Variants in SCMH1 observed in about 807,000 individuals in gnomAD.
SCMH1 encodes the protein polycomb protein SCMH1.
In SCMH1, 37 loss-of-function variants were observed where a neutral mutation model predicts 70.8. That is an observed-to-expected ratio of 0.52 (90% confidence interval 0.40 to 0.69). The LOEUF is 0.69. Ranked by LOEUF, SCMH1 falls within the 30% of genes least tolerant of loss-of-function variation. The pLI, the probability that SCMH1 is intolerant of heterozygous loss-of-function variation, is 0.00. For missense variants in SCMH1, 607 were observed against 827.3 expected, an observed-to-expected ratio of 0.73 and a Z score of 3.27; for synonymous variants, 292 against 307.4, an observed-to-expected ratio of 0.95 and a Z score of 0.52.
chr1:41,162,938 CA>C (rs1315787764), intron 2 of SCMH1: 1 of 152,344 alleles, frequency 6.6e-6, no homozygotes, highest in Non-Finnish European at 1.5e-5. Flanking sequence ...GGTTGCAGGA[CA>C]AGAACTCGGG....
chr1:41,064,793 T>C (rs1297797438), intron 10 of SCMH1, among the ~76,000 whole-genome samples: 1 of 151,954 alleles, frequency 6.6e-6, no homozygotes, highest in African/African-American at 2.4e-5. Context: ...TGGTGGCATG[T>C]CTGTAGTTCT....
intron 8 of SCMH1, among the ~76,000 whole-genome samples, chr1:41,083,208 T>C (rs939026743): frequency 1.3e-5 from 2 of 152,206 alleles, no homozygotes; most frequent in Non-Finnish European, 2.9e-5. Context: ...GAGGACATGA[T>C]TGTATATCTA....
Position 41,221,164 on chromosome 1 carries a change from T to C in SCMH1, c.-118+20895A>G, listed in dbSNP as rs1363919795. 2.6e-5 allele frequency among the ~76,000 whole-genome samples: 4 copies of C among 152,164 alleles called. 1 individual carries two copies. The highest frequency in any genetic ancestry group is 4.4e-5 in the Non-Finnish European group (3 of 68,028). On this transcript the variant is annotated intron_variant, in intron 1 of 14. Coordinates refer to ENST00000337495, the Ensembl canonical transcript of SCMH1. ...GTGCATGCAGTCACAAAATGACGAATGTTATATAATTCCTCTTATATGAGG... is the reference window on the plus strand; with the variant it reads ...GTGCATGCAGTCACAAAATGACGAACGTTATATAATTCCTCTTATATGAGG...
intron 6 of SCMH1, among the ~76,000 whole-genome samples, chr1:41,138,369 T>C (rs894761473): frequency 1.3e-5 from 2 of 152,210 alleles, no homozygotes; most frequent in Non-Finnish European, 2.9e-5. Context: ...TTCTGTTCCA[T>C]TGTTTTGTTT....
chr1:41,087,579 A>G (rs1037741781), intron 8 of SCMH1, among the ~76,000 whole-genome samples: 2 of 152,140 alleles, frequency 1.3e-5, no homozygotes, highest in African/African-American at 2.4e-5. Context: ...TTCACTCATA[A>G]AAAGAGAAAT....
intron 6 of SCMH1, among the ~76,000 whole-genome samples, chr1:41,130,781 A>T (rs1674485180): frequency 6.6e-6 from 1 of 152,196 alleles, no homozygotes; most frequent in Non-Finnish European, 1.5e-5. Context: ...AATACCTATT[A>T]GCAGCCACTC....
chr1:41,027,434 A>G (rs901904399), exon 15 of SCMH1: 1 of 152,314 alleles, frequency 6.6e-6, no homozygotes, highest in Non-Finnish European at 1.5e-5. Flanking sequence ...TGGTGGGGGC[A>G]GTATAAGCCA....
At chr1:41,179,118 C>T (rs1392521764) in intron 2 of SCMH1, among the ~76,000 whole-genome samples, 1 of 152,148 alleles carries the variant, frequency 6.6e-6, no homozygotes, top group African/African-American at 2.4e-5. Context: ...AACTGAACAA[C>T]CTGCTCCTGA....
At chr1:41,169,081 G>A (rs557325422) in intron 2 of SCMH1, among the ~76,000 whole-genome samples, 21 of 152,190 alleles carry the variant, frequency 1.4e-4, no homozygotes, top group Non-Finnish European at 2.8e-4. Flanking sequence ...CTGAGGAGAA[G>A]CTCGTAGAAG....
chr1:41,153,945 G>A (rs1645292294), intron 4 of SCMH1, among the ~76,000 whole-genome samples: 2 of 152,062 alleles, frequency 1.3e-5, no homozygotes, highest in Admixed American at 1.3e-4. Flanking sequence ...TTCTGTTAAG[G>A]ACAATATAAT....
chr1:41,151,709 TCA>T (rs1252563279), intron 4 of SCMH1, 25 bp from the exon 5 acceptor site: 1 of 1,550,058 alleles, frequency 6.5e-7, no homozygotes. Context: ...GAAATCTATA[TCA>T]CAGTCAACTT....
At chr1:41,096,447 T>C (rs1572068442) in intron 8 of SCMH1, among the ~76,000 whole-genome samples, 3 of 152,336 alleles carry the variant, frequency 2.0e-5, no homozygotes, top group Admixed American at 2.0e-4. Context: ...TACAGATTAT[T>C]GTCAAGATTA....
chr1:41,034,191 C>G, intron 13 of SCMH1, 143 bp from the exon 14 acceptor site: 1 of 1,174,394 alleles, frequency 8.5e-7, no homozygotes, highest in South Asian at 1.8e-5. Flanking sequence ...TCAGCTCTGC[C>G]TCTCTACTTG....
intron 1 of SCMH1, among the ~76,000 whole-genome samples, chr1:41,215,944 A>T (rs1359953344): frequency 6.6e-6 from 1 of 152,218 alleles, no homozygotes; most frequent in Non-Finnish European, 1.5e-5. Flanking sequence ...ATTACAAAAT[A>T]TAAATGTTTC....
chr1:41,056,589 A>G (rs2148765001), intron 10 of SCMH1, among the ~76,000 whole-genome samples: 1 of 152,346 alleles, frequency 6.6e-6, no homozygotes, highest in Admixed American at 6.5e-5. Flanking sequence ...ATAAGCTGAA[A>G]AGTCAACAAT....
At chr1:41,136,382 CTTTTTTTT>C (rs757034374) in intron 6 of SCMH1, among the ~76,000 whole-genome samples, 2 of 122,016 alleles carry the variant, frequency 1.6e-5, no homozygotes, top group African/African-American at 5.6e-5. Context: ...TTCTTTCTTT[CTTTTTTTT>C]TTTTTTGAGA....
intron 1 of SCMH1, among the ~76,000 whole-genome samples, chr1:41,223,700 A>G (rs1659721833): frequency 6.6e-6 from 1 of 152,120 alleles, no homozygotes; most frequent in African/African-American, 2.4e-5. Flanking sequence ...GCCATCTTTA[A>G]TTCTCAGTGG....
chr1:41,046,098 T>C (rs1044798905), intron 12 of SCMH1, among the ~76,000 whole-genome samples: 3 of 152,188 alleles, frequency 2.0e-5, no homozygotes, highest in Admixed American at 6.5e-5. Flanking sequence ...GGAGACGTTC[T>C]GTGACTTCTT....
Position 41,029,073 on chromosome 1 carries a change from G to A in SCMH1, c.1679-347C>T, listed in dbSNP as rs1012803995. Among the ~76,000 whole-genome samples, 4 of 152,158 alleles carry A rather than the reference G, an allele frequency of 2.6e-5. No individual in the cohort carries two copies. The East Asian group carries it at 7.7e-4, about 29-fold the overall frequency. ...GGCTGTTTTTGCCTTGGCTCTGGGG[G>A]ACCATTTCTAGAGAGACTGGTAGCC... On this transcript the variant is annotated intron_variant, in intron 13 of 14. Coordinates refer to ENST00000337495, the Ensembl canonical transcript of SCMH1.
Sources: allele counts gnomAD v4.1 joint callset (sites outside exome capture counted in the v4.1 genomes callset), GRCh38; gene constraint gnomAD v4.1.1; transcripts MANE v1.5; gene names NCBI Gene and HGNC (gene_info 2026-07-23, HGNC 2026-07-21).